NELL1: variants seen among roughly 807,000 people sequenced by gnomAD.
The protein encoded by NELL1 is protein kinase C-binding protein NELL1.
A neutral mutation model predicts 107.4 loss-of-function variants in NELL1; 76 were observed. That is an observed-to-expected ratio of 0.71 (90% CI 0.59 to 0.86). The LOEUF (loss-of-function observed/expected upper bound fraction) is 0.86, where lower values mean the gene tolerates loss of function less well. NELL1 is among the 40% of genes least tolerant of loss of function. NELL1 has a pLI of 0.00. For synonymous variants in NELL1, 353 were observed against 341.2 expected (o/e 1.03, Z -0.38); for missense variants, 1,024 against 1,005.5 (o/e 1.02, Z -0.25).
chr11:21,027,951 GT>G (rs1438470004), intron 12 of NELL1, among the ~76,000 whole-genome samples: 4 of 152,072 alleles, frequency 2.6e-5, no homozygotes, highest in Non-Finnish European at 1.5e-5. Flanking sequence ...TGCAGTGTGT[GT>G]TTTTTTCTGG....
At chr11:20,837,521 T>G (rs1350398238) in intron 3 of NELL1, among the ~76,000 whole-genome samples, 3 of 152,158 alleles carry the variant, frequency 2.0e-5, no homozygotes, top group Non-Finnish European at 4.4e-5. Flanking sequence ...CAAATCTTGA[T>G]TTCGCATACC....
At chr11:21,060,033 C>G (rs569588918) in intron 12 of NELL1, among the ~76,000 whole-genome samples, 31 of 152,282 alleles carry the variant, frequency 2.0e-4, no homozygotes, top group African/African-American at 6.7e-4. Context: ...AGTAGCGTGC[C>G]TTATGCTAAT....
At chr11:21,089,964 G>T (rs1854484602) in intron 12 of NELL1, among the ~76,000 whole-genome samples, 1 of 152,084 alleles carries the variant, frequency 6.6e-6, no homozygotes, top group Admixed American at 6.6e-5. Flanking sequence ...TGAAAGTGAG[G>T]GTCTGCCATG....
At chr11:20,967,002 A>G (rs1851399848) in intron 12 of NELL1, among the ~76,000 whole-genome samples, 1 of 152,210 alleles carries the variant, frequency 6.6e-6, no homozygotes, top group African/African-American at 2.4e-5. Flanking sequence ...TAACCGGGGC[A>G]ATGGTCAGGA....
Position 20,918,217 on chromosome 11 carries a change from G to C in NELL1, c.639G>C (p.Pro213=). Residue 213 remains proline, a synonymous_variant, in exon 6 of 20, where the codon CCG becomes CCC. Transcript: ENST00000357134. The stretch of plus-strand genomic sequence containing the variant: ...AAGATGGGAAGATCATCTTTATGCC[G>C]AATGGATATATAACACAGTGTCCAA... ...IIQDGKIIFM[P]NGYITQCPNL... The C allele has an allele frequency of 6.3e-7, 1 of 1,598,836 alleles. No individual in the cohort carries two copies. The highest frequency in any genetic ancestry group is 8.6e-7 in the Non-Finnish European group (1 of 1,167,072).
At chr11:21,344,102 C>G (rs1456892784) in intron 14 of NELL1, among the ~76,000 whole-genome samples, 7 of 152,204 alleles carry the variant, frequency 4.6e-5, no homozygotes, top group African/African-American at 1.7e-4. Flanking sequence ...GAGATCTGCG[C>G]ATTCTGTCTG....
chr11:21,009,305 C>A (rs967280581), intron 12 of NELL1, among the ~76,000 whole-genome samples: 20 of 152,134 alleles, frequency 1.3e-4, no homozygotes, highest in Non-Finnish European at 1.5e-5. Context: ...ATTCATTCAT[C>A]CATTCAGCTA....
At chr11:21,548,367 C>T (rs1292447873) in intron 16 of NELL1, among the ~76,000 whole-genome samples, 1 of 151,828 alleles carries the variant, frequency 6.6e-6, no homozygotes, top group Non-Finnish European at 1.5e-5. Flanking sequence ...TAAAGACATA[C>T]CCAAGACTGG....
At chr11:21,562,356 C>A (rs924535806) in intron 17 of NELL1, among the ~76,000 whole-genome samples, 3 of 152,036 alleles carry the variant, frequency 2.0e-5, no homozygotes, top group Admixed American at 6.6e-5. Flanking sequence ...ATATGATGCA[C>A]CTTCACTGCA....
chr11:20,767,340 T>TCCCCA (rs970976875), intron 2 of NELL1, among the ~76,000 whole-genome samples: 1 of 152,124 alleles, frequency 6.6e-6, no homozygotes, highest in Non-Finnish European at 1.5e-5. Context: ...TCCTTATTTG[T>TCCCCA]CCCCACCCAC....
chr11:20,793,577 A>G (rs1419678393), intron 3 of NELL1, among the ~76,000 whole-genome samples: 1 of 152,024 alleles, frequency 6.6e-6, no homozygotes, highest in African/African-American at 2.4e-5. Context: ...ATTTGTCTTC[A>G]GTATTTTCTG....
intron 16 of NELL1, among the ~76,000 whole-genome samples, chr11:21,545,398 G>A (rs1043429555): frequency 2.0e-5 from 3 of 151,962 alleles, no homozygotes; most frequent in Non-Finnish European, 2.9e-5. Context: ...CCTGGTGGGA[G>A]TGCTGAGAAA....
intron 14 of NELL1, 70 bp downstream of exon 14, chr11:21,229,524 G>T (rs879023734): frequency 6.3e-7 from 1 of 1,597,180 alleles, no homozygotes; most frequent in South Asian, 1.1e-5. Flanking sequence ...TTGTGCGTCG[G>T]ACCTTCTTGG....
intron 15 of NELL1, among the ~76,000 whole-genome samples, chr11:21,496,256 T>A (rs572159972): frequency 6.6e-6 from 1 of 152,096 alleles, no homozygotes; most frequent in South Asian, 2.1e-4. Context: ...CATTCCCATA[T>A]AATTATTTTA....
chr11:20,842,980 C>T (rs1489260411), intron 3 of NELL1, among the ~76,000 whole-genome samples: 3 of 152,014 alleles, frequency 2.0e-5, no homozygotes, highest in African/African-American at 7.3e-5. Flanking sequence ...ATTATTATTG[C>T]CCATAAAAAT....
At chr11:21,013,027 T>G (rs1852482202) in intron 12 of NELL1, among the ~76,000 whole-genome samples, 1 of 152,094 alleles carries the variant, frequency 6.6e-6, no homozygotes, top group Admixed American at 6.6e-5. Context: ...AAAGAAAGGA[T>G]TTGTTTTGGA....
At chr11:20,987,122 A>C (rs1851869980) in intron 12 of NELL1, among the ~76,000 whole-genome samples, 2 of 152,216 alleles carry the variant, frequency 1.3e-5, no homozygotes, top group South Asian at 2.1e-4. Flanking sequence ...CATAAGGCTG[A>C]AACATTGCCT....
intron 12 of NELL1, among the ~76,000 whole-genome samples, chr11:21,022,593 A>G (rs1403030564): frequency 6.6e-6 from 1 of 152,144 alleles, no homozygotes; most frequent in African/African-American, 2.4e-5. Context: ...AAGGATTTCA[A>G]GAACAGCCTT....
At chr11:20,768,048 A>C (rs1275189514) in intron 2 of NELL1, among the ~76,000 whole-genome samples, 2 of 152,204 alleles carry the variant, frequency 1.3e-5, no homozygotes, top group Non-Finnish European at 2.9e-5. Flanking sequence ...GCTGAAGCCT[A>C]AATGAAGGAG....
Sources: allele counts gnomAD v4.1 joint callset (sites outside exome capture counted in the v4.1 genomes callset), GRCh38; gene constraint gnomAD v4.1.1; transcripts MANE v1.5; gene names NCBI Gene and HGNC (gene_info 2026-07-23, HGNC 2026-07-21).